Variants in ADGRL2 observed in about 807,000 individuals in gnomAD.
ADGRL2 encodes the protein adhesion G protein-coupled receptor L2.
Under a neutral mutation model 157.4 loss-of-function variants are expected in ADGRL2, and 44 were observed. The ratio of observed to expected loss-of-function variants is 0.28; its 90% CI spans 0.22 to 0.36. The LOEUF is 0.36. Among genes scored for constraint, ADGRL2 ranks in the 10% least tolerant of loss-of-function variants. ADGRL2 has a pLI of 1.00. For synonymous variants in ADGRL2, 585 were observed against 624.7 expected, an observed-to-expected ratio of 0.94 and a Z score of 0.95; for missense variants, 1,510 against 1,768.9, an observed-to-expected ratio of 0.85 and a Z score of 2.63.
chr1:81,445,206 A>G (rs2077577138), intron 2 of ADGRL2: 1 of 152,218 alleles, frequency 6.6e-6, no homozygotes. Context: ...ATATTGGATG[A>G]TCTTTTATTA....
intron 17 of ADGRL2, among the ~76,000 whole-genome samples, chr1:81,974,089 T>C (rs1003313548): frequency 6.6e-6 from 1 of 152,218 alleles, no homozygotes; most frequent in Non-Finnish European, 1.5e-5. Flanking sequence ...TAGGAAAGTA[T>C]AGCTTTGCAT....
At chr1:81,561,472 T>G (rs188367063) in intron 2 of ADGRL2, among the ~76,000 whole-genome samples, 56 of 151,426 alleles carry the variant, frequency 3.7e-4, no homozygotes, top group South Asian at 2.3e-3. Flanking sequence ...TTTTGTTTTT[T>G]TTTTTTCAGA....
intron 2 of ADGRL2, among the ~76,000 whole-genome samples, chr1:81,867,422 T>C (rs748430676): frequency 6.6e-6 from 1 of 152,230 alleles, no homozygotes; most frequent in Non-Finnish European, 1.5e-5. Flanking sequence ...CTCATGGGCC[T>C]ATGCCATGTG....
chr1:81,409,204 T>C (rs2076908333), intron 1 of ADGRL2, among the ~76,000 whole-genome samples: 1 of 152,180 alleles, frequency 6.6e-6, no homozygotes, highest in Non-Finnish European at 1.5e-5. Context: ...ATAATTTTCC[T>C]GCTCACTGGT....
intron 1 of ADGRL2, among the ~76,000 whole-genome samples, chr1:81,749,711 A>G (rs556233784): frequency 3.3e-4 from 50 of 152,240 alleles, no homozygotes; most frequent in Admixed American, 1.7e-3. Context: ...GTCTGTAGTT[A>G]GCACAGCAAT....
chr1:81,411,015 C>T (rs975212208), intron 1 of ADGRL2, among the ~76,000 whole-genome samples: 4 of 152,144 alleles, frequency 2.6e-5, no homozygotes, highest in Admixed American at 6.5e-5. Flanking sequence ...GAGATTGTAT[C>T]GGAAAATGTC....
At chr1:81,429,184 G>T (rs568957401) in intron 1 of ADGRL2, among the ~76,000 whole-genome samples, 1 of 150,522 alleles carries the variant, frequency 6.6e-6, no homozygotes, top group African/African-American at 2.4e-5. Context: ...AGTAAGATTT[G>T]TTTGTGAACT....
At chr1:81,716,086 CTAT>C (rs2084107745) in intron 1 of ADGRL2, among the ~76,000 whole-genome samples, 1 of 152,160 alleles carries the variant, frequency 6.6e-6, no homozygotes, top group Non-Finnish European at 1.5e-5. Flanking sequence ...AGGCATTTTA[CTAT>C]TATATTTTTA....
chr1:81,613,919 A>G (rs915630183), intron 3 of ADGRL2, among the ~76,000 whole-genome samples: 1 of 152,092 alleles, frequency 6.6e-6, no homozygotes, highest in African/African-American at 2.4e-5. Flanking sequence ...AATTCTTTAT[A>G]TCCTTTTGTT....
At position 81,808,854 on chromosome 1, in the gene ADGRL2, G is replaced by T. The variant is rs1389160104; in HGVS notation, c.-101+7786G>T. On this transcript the variant is annotated intron_variant, in intron 1 of 23. Coordinates refer to ENST00000686636, the MANE Select transcript of ADGRL2 (RefSeq NM_001366006.2). ...AATTCTGGCACCCAGATTTACGGAA[G>T]TGCAGGAACAAGCACAACCGCTACT... Among the ~76,000 whole-genome samples the T allele has an allele frequency of 2.0e-5, 3 of 152,158 alleles. No homozygotes were observed. In the East Asian group the frequency reaches 5.8e-4, roughly 29 times the overall value.
At chr1:81,753,598 T>C (rs759229234) in intron 1 of ADGRL2, among the ~76,000 whole-genome samples, 4 of 152,162 alleles carry the variant, frequency 2.6e-5, no homozygotes, top group African/African-American at 4.8e-5. Flanking sequence ...TTTGAGAAAA[T>C]AGAATAATTT....
intron 2 of ADGRL2, among the ~76,000 whole-genome samples, chr1:81,885,194 C>T (rs1319807226): frequency 9.2e-5 from 14 of 152,084 alleles, no homozygotes; most frequent in Non-Finnish European, 1.8e-4. Flanking sequence ...ATCTATTTGG[C>T]AATGTCTTTA....
intron 1 of ADGRL2, among the ~76,000 whole-genome samples, chr1:81,349,282 G>A (rs1251909643): frequency 6.6e-6 from 1 of 152,124 alleles, no homozygotes; most frequent in Non-Finnish European, 1.5e-5. Flanking sequence ...CTGCACAAAT[G>A]CTAAGTGATA....
At chr1:81,987,271 C>T in intron 22 of ADGRL2, 1 of 1,587,854 alleles carries the variant, frequency 6.3e-7, no homozygotes, top group South Asian at 1.1e-5. Context: ...TGGCATAAAT[C>T]TTAATATATT....
intron 2 of ADGRL2, among the ~76,000 whole-genome samples, chr1:81,447,596 T>G (rs555413624): frequency 6.6e-6 from 1 of 152,246 alleles, no homozygotes; most frequent in Admixed American, 6.5e-5. Context: ...TCTTGAGTAA[T>G]TAGCATCTCT....
intron 1 of ADGRL2, among the ~76,000 whole-genome samples, chr1:81,369,444 C>A (rs2076124301): frequency 6.6e-6 from 1 of 152,102 alleles, no homozygotes; most frequent in South Asian, 2.1e-4. Flanking sequence ...AGCCACCTCC[C>A]ACCATGCAAT....
upstream of ADGRL2, among the ~76,000 whole-genome samples, chr1:81,698,836 A>G (rs1010325158): frequency 6.6e-6 from 1 of 152,182 alleles, no homozygotes; most frequent in African/African-American, 2.4e-5. Context: ...TGCTTCTTCA[A>G]TGCCTGAATT....
intron 3 of ADGRL2, among the ~76,000 whole-genome samples, chr1:81,615,421 G>C (rs1198278138): frequency 6.6e-6 from 1 of 152,154 alleles, no homozygotes; most frequent in Non-Finnish European, 1.5e-5. Context: ...TCACTCTTTG[G>C]GTCTATGCGC....
At chr1:81,614,753 A>G (rs796464908) in intron 3 of ADGRL2, among the ~76,000 whole-genome samples, 2 of 152,222 alleles carry the variant, frequency 1.3e-5, no homozygotes, top group African/African-American at 4.8e-5. Context: ...GGCCAGGCTC[A>G]GTAGCTCACG....
Sources: gnomAD v4.1 joint callset for allele counts (sites outside exome capture counted in the v4.1 genomes callset) on GRCh38, gnomAD v4.1.1 for gene constraint, MANE v1.5 for transcripts, NCBI Gene and HGNC (gene_info 2026-07-23, HGNC 2026-07-21) for gene names.